CCSER1: variants seen among roughly 807,000 people sequenced by gnomAD.
CCSER1 encodes the protein serine-rich coiled-coil domain-containing protein 1.
CCSER1 carries 41 observed loss-of-function variants against 82.0 expected under a neutral mutation model. The observed-to-expected ratio is 0.50, with a 90% CI of 0.39 to 0.65. The LOEUF is 0.65. CCSER1 is among the 30% of genes least tolerant of loss of function. The pLI is 0.00. For missense variants in CCSER1, 1,119 were observed against 1,064.2 expected (o/e 1.05, Z -0.72); for synonymous variants, 414 against 383.9 (o/e 1.08, Z -0.92).
chr4:90,202,252 G>C (rs1737858048), intron 1 of CCSER1, among the ~76,000 whole-genome samples: 1 of 150,928 alleles, frequency 6.6e-6, no homozygotes, highest in South Asian at 2.1e-4. Context: ...CAAGCTGCTG[G>C]AGTGCAGTGG....
chr4:90,970,157 A>C (rs1266718128), intron 9 of CCSER1, among the ~76,000 whole-genome samples: 2 of 151,854 alleles, frequency 1.3e-5, no homozygotes, highest in Non-Finnish European at 2.9e-5. Context: ...AAATAGATAG[A>C]GTGGGTGAAT....
chr4:90,546,040 G>A (rs1776709523), intron 5 of CCSER1, among the ~76,000 whole-genome samples: 1 of 152,112 alleles, frequency 6.6e-6, no homozygotes, highest in Non-Finnish European at 1.5e-5. Flanking sequence ...TATGGCATCA[G>A]ATGTGAGTTT....
intron 1 of CCSER1, among the ~76,000 whole-genome samples, chr4:90,294,375 T>C (rs919162872): frequency 1.3e-5 from 2 of 151,910 alleles, no homozygotes; most frequent in Non-Finnish European, 2.9e-5. Context: ...ACAAAGTCTT[T>C]ATATTATTTT....
intron 7 of CCSER1, among the ~76,000 whole-genome samples, chr4:90,754,736 T>A (rs1749223390): frequency 6.6e-6 from 1 of 152,202 alleles, no homozygotes; most frequent in African/African-American, 2.4e-5. Flanking sequence ...GCATTTTTAG[T>A]ACTTTGTTTT....
intron 9 of CCSER1, among the ~76,000 whole-genome samples, chr4:91,024,110 C>T (rs1029096176): frequency 2.6e-5 from 4 of 152,050 alleles, no homozygotes; most frequent in Non-Finnish European, 5.9e-5. Flanking sequence ...GTTCCCTTCC[C>T]GTGATAACCC....
At chr4:91,595,049 A>T (rs1378273665) in intron 10 of CCSER1, among the ~76,000 whole-genome samples, 1 of 143,612 alleles carries the variant, frequency 7.0e-6, no homozygotes, top group African/African-American at 2.6e-5. Context: ...TTCTCTGCTT[A>T]AAAAAAAAAA....
chr4:91,585,551 G>A (rs1477861882), intron 10 of CCSER1, among the ~76,000 whole-genome samples: 1 of 151,430 alleles, frequency 6.6e-6, no homozygotes, highest in Non-Finnish European at 1.5e-5. Context: ...GCTATAAAGA[G>A]AATGTATAGG....
intron 10 of CCSER1, among the ~76,000 whole-genome samples, chr4:91,282,403 G>A (rs1342957416): frequency 6.6e-6 from 1 of 152,062 alleles, no homozygotes; most frequent in Non-Finnish European, 1.5e-5. Flanking sequence ...ATGACTGATG[G>A]GGTTGGTGCT....
intron 3 of CCSER1, among the ~76,000 whole-genome samples, chr4:90,395,270 T>G (rs548495675): frequency 1.3e-5 from 2 of 152,360 alleles, no homozygotes; most frequent in South Asian, 4.1e-4. Flanking sequence ...TTTAGCCACT[T>G]TTAAAGGAGA....
At chr4:91,083,556 ATAAAG>A (rs1688750625) in intron 9 of CCSER1, among the ~76,000 whole-genome samples, 1 of 152,224 alleles carries the variant, frequency 6.6e-6, no homozygotes. Flanking sequence ...TTAACGTAAA[ATAAAG>A]TAAAATGAAA....
At chr4:91,279,648 G>T (rs1742759610) in intron 10 of CCSER1, among the ~76,000 whole-genome samples, 1 of 151,770 alleles carries the variant, frequency 6.6e-6, no homozygotes, top group East Asian at 1.9e-4. Context: ...ATCCTGAATT[G>T]CTTTTCTGAT....
intron 6 of CCSER1, among the ~76,000 whole-genome samples, chr4:90,681,921 T>A (rs1421216489): frequency 6.6e-6 from 1 of 152,060 alleles, no homozygotes; most frequent in Non-Finnish European, 1.5e-5. Flanking sequence ...AAATATCTAA[T>A]GTTTTTGATT....
At chr4:91,397,093 A>G (rs1203240955) in intron 10 of CCSER1, among the ~76,000 whole-genome samples, 1 of 152,086 alleles carries the variant, frequency 6.6e-6, no homozygotes, top group Non-Finnish European at 1.5e-5. Flanking sequence ...TACAAGCACT[A>G]TCATTTCAAA....
chr4:91,152,733 G>GTTCC (rs1730369165), intron 10 of CCSER1, among the ~76,000 whole-genome samples: 1 of 148,684 alleles, frequency 6.7e-6, no homozygotes. Context: ...AAATCTCTCA[G>GTTCC]CATTTGCTTG....
rs564672741 is a variant in CCSER1, at chr4:91,516,269, A to C, written c.2218-82303A>C. On this transcript the variant is annotated intron_variant, in intron 10 of 10. Transcript: ENST00000509176. ...TGCAATTGCTTTTGGCATCTTTGTC[A>C]TGAAATCATTGCCAGTTTCTATATC... Among the ~76,000 whole-genome samples, 9 of 152,236 alleles carry C rather than the reference A, an allele frequency of 5.9e-5. 1 individual carries two copies. The highest frequency in any genetic ancestry group is 1.7e-4 in the African/African-American group (7 of 41,560).
intron 10 of CCSER1, among the ~76,000 whole-genome samples, chr4:91,398,384 A>G (rs1207163461): frequency 5.3e-5 from 8 of 151,988 alleles, no homozygotes; most frequent in Non-Finnish European, 1.2e-4. Context: ...GCTTTATGAC[A>G]GATTTTTTGC....
intron 3 of CCSER1, among the ~76,000 whole-genome samples, chr4:90,348,999 A>G (rs140914530): frequency 1.2e-3 from 176 of 152,244 alleles, no homozygotes; most frequent in Non-Finnish European, 1.9e-3. Context: ...CCTAAATATA[A>G]GTTTATGGCT....
At position 91,603,113 on chromosome 4, in the gene CCSER1, G is replaced by A. The variant is rs191512892; in HGVS notation, c.*4056G>A. 2.1e-3 allele frequency among the ~76,000 whole-genome samples: 325 copies of A among 152,024 alleles called. No homozygotes were observed. Among genetic ancestry groups the A allele is most frequent in the Non-Finnish European group, 3.4e-3 (230 of 67,934 alleles). On this transcript the variant is annotated 3_prime_UTR_variant, in exon 11 of 11. Transcript: ENST00000509176. ...GTAATATAAAATACAAACTAGTTTT[G>A]GTTCTTATAAAAGGCTGATTTCAGT... is the stretch of plus-strand genomic sequence containing the variant.
chr4:91,456,471 T>C (rs2149425455), intron 10 of CCSER1, among the ~76,000 whole-genome samples: 1 of 152,120 alleles, frequency 6.6e-6, no homozygotes, highest in East Asian at 1.9e-4. Flanking sequence ...GCCAACTATA[T>C]CTTTTAATGT....
Sources: gnomAD v4.1 joint callset for allele counts (sites outside exome capture counted in the v4.1 genomes callset) on GRCh38, gnomAD v4.1.1 for gene constraint, MANE v1.5 for transcripts, NCBI Gene and HGNC (gene_info 2026-07-23, HGNC 2026-07-21) for gene names.